Variants in COMMD5 observed in about 807,000 individuals in gnomAD.
COMMD5 encodes COMM domain-containing protein 5.
COMMD5 carries 10 observed loss-of-function variants against 6.9 expected under a neutral mutation model. The observed-to-expected ratio is 1.44, with a 90% CI of 0.89 to 2.45. The LOEUF is 2.45. COMMD5 is among the 30% of genes most tolerant of loss of function. The pLI, the probability that COMMD5 is intolerant of heterozygous loss-of-function variation, is 0.00. For synonymous variants in COMMD5, 127 were observed against 125.3 expected (o/e 1.01, Z -0.09); for missense variants, 234 against 287.8 (o/e 0.81, Z 1.35).
At chr8:144,844,329 CTGA>C (rs1586850311) in intron 1 of COMMD5, among the ~76,000 whole-genome samples, 1 of 152,190 alleles carries the variant, frequency 6.6e-6, no homozygotes, top group South Asian at 2.1e-4. Context: ...GGCCCTGAGG[CTGA>C]TGACTGTCTT....
At chr8:144,846,497 C>G (rs946466128), downstream of COMMD5, 5 of 253,116 alleles carry the variant, frequency 2.0e-5, no homozygotes, top group Admixed American at 1.9e-4. Context: ...GTGTTTACCA[C>G]ACCAGCCAAG....
At chr8:144,843,578 A>G (rs1403021470) in intron 1 of COMMD5, 1 of 106,416 alleles carries the variant, frequency 9.4e-6, no homozygotes, top group African/African-American at 3.9e-5. Context: ...ACAGAGTGAG[A>G]CTCCCTCTCA....
chr8:144,843,008 A>G (rs747770085), intron 1 of COMMD5: 1 of 1,614,234 alleles, frequency 6.2e-7, no homozygotes, highest in Non-Finnish European at 8.5e-7. Flanking sequence ...AAGAAACTGC[A>G]TCAGTGTGAA....
At position 144,850,966 on chromosome 8, in the gene COMMD5, C is replaced by A. The variant is rs762673488; in HGVS notation, c.373G>T (p.Asp125Tyr). 2 of 1,610,608 alleles carry A rather than the reference C, an allele frequency of 1.2e-6. No homozygotes were observed. Among genetic ancestry groups the A allele is most frequent in the Non-Finnish European group, 1.7e-6 (2 of 1,178,984 alleles). The part of the protein sequence containing the change: ...ELCIPQDLVG[D>Y]LASVVFGSQR... ...CTCCCAAATACCACGCTGGCCAAGT[C>A]CCCGACCAGGTCTTGGGGGATGCAG... is the stretch of plus-strand genomic sequence containing the variant. Residue 125 changes from aspartate to tyrosine, a missense_variant, in exon 2 of 2, where the codon GAC (aspartate) becomes TAC (tyrosine). By Grantham distance (160) the Asp-to-Tyr change is radical. Transcript: ENST00000305103. This position sits in a 1 kb window ranked among gnomAD's most constrained non-coding sequence, Gnocchi z 4.0.
downstream of COMMD5, among the ~76,000 whole-genome samples, chr8:144,847,786 G>C (rs1830583714): frequency 3.3e-5 from 5 of 152,352 alleles, no homozygotes; most frequent in South Asian, 1.0e-3. Context: ...AGTTTCCACA[G>C]AGAACTAAGG....
rs1000783426 is a variant in COMMD5, at chr8:144,850,697, C to T, written c.642G>A (p.Leu214=). 1 of 1,613,988 alleles carries T rather than the reference C, an allele frequency of 6.2e-7. No homozygotes were observed. The highest frequency in any genetic ancestry group is 8.5e-7 in the Non-Finnish European group (1 of 1,180,044). ...VALVLKEMAD[L]EKRCERRLQD ...GCAGTCTGCGCTCACACCTCTTCTC[C>T]AGATCTGCCATCTCCTTTAGGACCA... Residue 214 remains leucine (L), a synonymous_variant, in exon 2 of 2, where the codon CTG becomes CTA. Transcript: ENST00000305103. The surrounding 1 kb of genome is among the most constrained non-coding windows in gnomAD (Gnocchi z 4.0).
chr8:144,844,589 A>G lies in COMMD5; in HGVS notation c.*117-2846T>C, dbSNP rs192099186. 3.0e-4 allele frequency among the ~76,000 whole-genome samples: 46 copies of G among 151,904 alleles called. 1 individual carries two copies. In the East Asian group the frequency reaches 5.6e-3, roughly 19 times the overall value. On this transcript the variant is annotated intron_variant and NMD_transcript_variant, in intron 1 of 1. Coordinates refer to the COMMD5 transcript ENST00000530332. Reference sequence around the variant, plus strand: ...GCCGGGCGTGGTGGCGGGCACCTGTAGTCTCAGCTACTTGGGAGGCTAGGC... The same window carrying G: ...GCCGGGCGTGGTGGCGGGCACCTGTGGTCTCAGCTACTTGGGAGGCTAGGC...
chr8:144,845,388 T>G (rs74864689), downstream of COMMD5, among the ~76,000 whole-genome samples: 5,368 of 146,238 alleles, frequency 0.037, 135 homozygotes, highest in Admixed American at 0.082. Context: ...CACCCCTCAG[T>G]TTTTTTTTTG....
chr8:144,848,694 C>T (rs1830616135), downstream of COMMD5, among the ~76,000 whole-genome samples: 3 of 152,266 alleles, frequency 2.0e-5, no homozygotes, highest in South Asian at 6.2e-4. Flanking sequence ...GTCTGCTCCA[C>T]GCTGTAGGGA....
chr8:144,838,163 T>C (rs1586816268), downstream of COMMD5: 2 of 702,850 alleles, frequency 2.8e-6, no homozygotes, highest in Non-Finnish European at 5.2e-6. Context: ...TCCCTCACTC[T>C]GATCTCCGAC....
chr8:144,845,930 C>T (rs1323334509), downstream of COMMD5: 1 of 1,516,188 alleles, frequency 6.6e-7, no homozygotes, highest in East Asian at 2.5e-5. Context: ...GCCAGGTGGT[C>T]ACCTTCAGGT....
chr8:144,843,401 A>G (rs1484244776), intron 1 of COMMD5: 11 of 427,364 alleles, frequency 2.6e-5, no homozygotes, highest in Non-Finnish European at 4.5e-5. Flanking sequence ...CATCCTGGGT[A>G]ACAGGTGAAA....
exon 2 of COMMD5, chr8:144,841,560 CT>C: frequency 6.2e-7 from 1 of 1,614,076 alleles, no homozygotes; most frequent in Non-Finnish European, 8.5e-7. Context: ...TCCAAAATAA[CT>C]GTTTGAATGA....
downstream of COMMD5, chr8:144,838,272 C>A: frequency 1.7e-6 from 1 of 602,354 alleles, no homozygotes; most frequent in East Asian, 2.8e-5. Flanking sequence ...CCCCAGTGAC[C>A]TCATGGTGAC....
chr8:144,849,977 C>T (rs998318164), downstream of COMMD5, among the ~76,000 whole-genome samples: 3 of 152,082 alleles, frequency 2.0e-5, no homozygotes, highest in South Asian at 2.1e-4. Flanking sequence ...TGCAGCCAGG[C>T]GGGCCTTAAG....
chr8:144,838,272 C>T, downstream of COMMD5: 1 of 602,354 alleles, frequency 1.7e-6, no homozygotes, highest in Non-Finnish European at 3.0e-6. Flanking sequence ...CCCCAGTGAC[C>T]TCATGGTGAC....
chr8:144,847,345 CAAGG>C (rs549629417), downstream of COMMD5: 251 of 152,244 alleles, frequency 1.6e-3, 1 homozygote, highest in African/African-American at 5.5e-3. Flanking sequence ...TTTGAGAGGC[CAAGG>C]AAGGATCACG....
chr8:144,842,934 T>C (rs1830141922), intron 1 of COMMD5: 1 of 1,614,040 alleles, frequency 6.2e-7, no homozygotes, highest in South Asian at 1.1e-5. Flanking sequence ...CCCAGTGGTT[T>C]TACGAATATG....
chr8:144,846,109 T>A, downstream of COMMD5: 1 of 1,523,056 alleles, frequency 6.6e-7, no homozygotes, highest in Non-Finnish European at 8.7e-7. Flanking sequence ...TCTCGTCATC[T>A]CCTCTTGGCC....
Sources: gnomAD v4.1 joint callset for allele counts (sites outside exome capture counted in the v4.1 genomes callset) on GRCh38, gnomAD v4.1.1 for gene constraint, Gnocchi (gnomAD v3.1) non-coding constraint, MANE v1.5 for transcripts, NCBI Gene and HGNC (gene_info 2026-07-23, HGNC 2026-07-21) for gene names.